MGAM2: variants seen among roughly 807,000 people sequenced by gnomAD.
The protein encoded by MGAM2 is maltase-glucoamylase 2 (putative).
A neutral mutation model predicts 96.1 loss-of-function variants in MGAM2; 98 were observed. The ratio of observed to expected loss-of-function variants is 1.02; its 90% CI spans 0.87 to 1.21. The LOEUF is 1.21. Among genes scored for constraint, MGAM2 ranks in the 50% most tolerant of loss-of-function variants. The pLI is 0.00. For synonymous variants in MGAM2, 749 were observed against 414.8 expected, an observed-to-expected ratio of 1.81 and a Z score of -9.79; for missense variants, 2,055 against 1,182.4, an observed-to-expected ratio of 1.74 and a Z score of -10.82.
At chr7:142,169,412 A>G (rs1054147535) in intron 26 of MGAM2, among the ~76,000 whole-genome samples, 2 of 152,098 alleles carry the variant, frequency 1.3e-5, no homozygotes, top group Non-Finnish European at 2.9e-5. Context: ...CAGAGTGAGA[A>G]TCCATCTAAA....
intron 45 of MGAM2, among the ~76,000 whole-genome samples, chr7:142,202,792 T>C (rs1244022570): frequency 6.6e-6 from 1 of 152,192 alleles, no homozygotes; most frequent in Non-Finnish European, 1.5e-5. Flanking sequence ...AGCACATGGG[T>C]CCTTTTGGTA....
chr7:142,159,182 A>G, intron 19 of MGAM2, 105 bp from the exon 20 acceptor site: 4 of 647,758 alleles, frequency 6.2e-6, no homozygotes, highest in East Asian at 2.8e-5. Flanking sequence ...GATCTCAACC[A>G]TCTCTCAGGA....
At chr7:142,207,881 G>C (rs1797458057) in intron 45 of MGAM2, among the ~76,000 whole-genome samples, 1 of 152,140 alleles carries the variant, frequency 6.6e-6, no homozygotes, top group African/African-American at 2.4e-5. Context: ...GGGAAGAATC[G>C]ATGGAATAAA....
rs1314855465 is a variant in MGAM2, at chr7:142,132,994, A to G, written c.575+909A>G. 1.9e-3 allele frequency among the ~76,000 whole-genome samples: 249 copies of G among 131,580 alleles called. 1 individual carries two copies. The highest frequency in any genetic ancestry group is 2.8e-3 in the Non-Finnish European group (185 of 65,258). The allele number at this position is 131,580 out of a possible 152,430, so 86.3% of individuals were successfully genotyped here. A position where few individuals can be genotyped will look rare whatever the true frequency, so the allele number is the denominator to read the frequency against. ...AATATTTAACATATATTTAATATAT[A>G]TTAATTTATATTTATATTTAATTTA... On this transcript the variant is annotated intron_variant, in intron 6 of 47. Coordinates refer to ENST00000477922, the MANE Select transcript of MGAM2 (RefSeq NM_001293626.2).
chr7:142,208,845 C>G (rs1205742833), intron 46 of MGAM2, among the ~76,000 whole-genome samples: 1 of 152,088 alleles, frequency 6.6e-6, no homozygotes, highest in Non-Finnish European at 1.5e-5. Context: ...GGAATTCATA[C>G]AATGCTGGGG....
At position 142,148,534 on chromosome 7, in the gene MGAM2, A is replaced by G. The variant is rs1795458784; in HGVS notation, c.1634+961A>G. On this transcript the variant is annotated intron_variant, in intron 15 of 47. Coordinates refer to ENST00000477922, the MANE Select transcript of MGAM2 (RefSeq NM_001293626.2). This position sits in a 1 kb window ranked among gnomAD's most constrained non-coding sequence, Gnocchi z 4.2. ...ATCATAACATCCTTTATATCTTGTC[A>G]TGTAGATTGTTTACTTGTGACTTAG... Among the ~76,000 whole-genome samples, 1 of 152,222 alleles carries G rather than the reference A, an allele frequency of 6.6e-6. No homozygotes were observed. Among genetic ancestry groups the G allele is most frequent in the Non-Finnish European group, 1.5e-5 (1 of 68,040 alleles).
At chr7:142,158,860 A>T (rs1795812719) in intron 19 of MGAM2, among the ~76,000 whole-genome samples, 1 of 152,170 alleles carries the variant, frequency 6.6e-6, no homozygotes, top group Non-Finnish European at 1.5e-5. Context: ...GATTATGCTG[A>T]TCTGCTTGTA....
At chr7:142,217,690 C>A (rs1236922976) in intron 46 of MGAM2, among the ~76,000 whole-genome samples, 1 of 152,050 alleles carries the variant, frequency 6.6e-6, no homozygotes, top group East Asian at 1.9e-4. Context: ...GGAGTGAGTT[C>A]TTGTGTTTGC....
At chr7:142,209,097 C>A (rs1797499574) in intron 46 of MGAM2, among the ~76,000 whole-genome samples, 1 of 152,044 alleles carries the variant, frequency 6.6e-6, no homozygotes, top group Non-Finnish European at 1.5e-5. Flanking sequence ...TCCAGTTAGT[C>A]TTGGGTCTAT....
chr7:142,158,539 A>G (rs1298948744), intron 19 of MGAM2, among the ~76,000 whole-genome samples: 4 of 152,184 alleles, frequency 2.6e-5, no homozygotes, highest in African/African-American at 9.7e-5. Flanking sequence ...ATGTTGTAAA[A>G]TTGCCTTAAA....
chr7:142,111,998 CTG>C (rs57967255), intron 1 of MGAM2, among the ~76,000 whole-genome samples, 191 bp downstream of exon 1: 22,273 of 133,338 alleles, frequency 0.17, 1,890 homozygotes, highest in East Asian at 0.32. Context: ...AGAGGAGAGA[CTG>C]TGTGTGTGTG....
chr7:142,170,172 G>A lies in MGAM2; in HGVS notation c.3125G>A (p.Arg1042Lys), dbSNP rs1247662818. Reference protein sequence around the residue: ...GDPENRLYDVRIQNNPFGIQI... With the variant: ...GDPENRLYDVKIQNNPFGIQI... ...CCTGAAAACCGTCTGTATGATGTCA[G>A]GATTCAGAACAATCCTTTTGGAATC... The change falls in exon 27 of 48, where the codon AGG becomes AAG. Residue 1042 changes from arginine to lysine, a missense_variant. Coordinates refer to ENST00000477922, the MANE Select transcript of MGAM2 (RefSeq NM_001293626.2). The A allele has an allele frequency of 1.4e-6, 1 of 702,658 alleles. No individual in the cohort carries two copies. Among genetic ancestry groups the A allele is most frequent in the Non-Finnish European group, 2.6e-6 (1 of 384,892 alleles). The allele number at this position is 702,658 out of a possible 1,614,324, so 43.5% of individuals were successfully genotyped here.
chr7:142,204,813 G>C (rs1256464277), intron 45 of MGAM2, among the ~76,000 whole-genome samples: 1 of 152,008 alleles, frequency 6.6e-6, no homozygotes, highest in African/African-American at 2.4e-5. Flanking sequence ...AATAAAGTTA[G>C]TGTGGTTAAT....
At chr7:142,142,524 GTTTT>G (rs746342532) in intron 12 of MGAM2, among the ~76,000 whole-genome samples, 3 of 78,888 alleles carry the variant, frequency 3.8e-5, no homozygotes, top group South Asian at 4.9e-4. Flanking sequence ...AGTGGTGTGT[GTTTT>G]TTTTTTTTTT....
chr7:142,128,884 C>T (rs4725569), intron 3 of MGAM2, among the ~76,000 whole-genome samples: 62,671 of 152,042 alleles, frequency 0.41, 13,398 homozygotes, highest in African/African-American at 0.53. Flanking sequence ...CCCACTGGGG[C>T]GCAGCCTAGT....
intron 45 of MGAM2, among the ~76,000 whole-genome samples, chr7:142,206,369 C>G (rs1797400510): frequency 6.6e-6 from 1 of 152,094 alleles, no homozygotes; most frequent in African/African-American, 2.4e-5. Flanking sequence ...CATCCCTGCC[C>G]TCTCCCCACT....
intron 3 of MGAM2, among the ~76,000 whole-genome samples, chr7:142,127,723 C>T (rs1042263765): frequency 3.3e-5 from 5 of 152,140 alleles, no homozygotes; most frequent in Non-Finnish European, 7.4e-5. Flanking sequence ...TTGCCTGCCG[C>T]CATGTAAGAC....
At chr7:142,127,439 T>C (rs1341556353) in intron 3 of MGAM2, among the ~76,000 whole-genome samples, 1 of 152,212 alleles carries the variant, frequency 6.6e-6, no homozygotes, top group Non-Finnish European at 1.5e-5. Context: ...GTTGTTTTCT[T>C]TTGTAATTCA....
At chr7:142,151,272 A>G (rs527359289) in intron 15 of MGAM2, among the ~76,000 whole-genome samples, 1 of 152,276 alleles carries the variant, frequency 6.6e-6, no homozygotes, top group East Asian at 1.9e-4. Context: ...CGAGGCAGAG[A>G]CTGGGTCGGT....
Sources: gnomAD v4.1 joint callset for allele counts (sites outside exome capture counted in the v4.1 genomes callset) on GRCh38, gnomAD v4.1.1 for gene constraint, Gnocchi (gnomAD v3.1) non-coding constraint, MANE v1.5 for transcripts, NCBI Gene and HGNC (gene_info 2026-07-23, HGNC 2026-07-21) for gene names.